The following DLC1 variants were observed in gnomAD, a reference collection of about 807,000 sequenced individuals.
DLC1 encodes the protein rho GTPase-activating protein 7.
A neutral mutation model predicts 140.3 loss-of-function variants in DLC1; 54 were observed. That is an observed-to-expected ratio of 0.38 (90% CI 0.31 to 0.48). DLC1 has a LOEUF of 0.48. Ranked by LOEUF, DLC1 falls within the 20% of genes least tolerant of loss-of-function variation. DLC1 has a pLI of 0.96. For missense variants in DLC1, 2,536 were observed against 1,907.0 expected, an observed-to-expected ratio of 1.33 and a Z score of -6.14; for synonymous variants, 986 against 728.1, an observed-to-expected ratio of 1.35 and a Z score of -5.70.
At chr8:13,522,447 A>G (rs2117287384) in intron 1 of DLC1, among the ~76,000 whole-genome samples, 1 of 152,130 alleles carries the variant, frequency 6.6e-6, no homozygotes, top group South Asian at 2.1e-4. Flanking sequence ...CAACATGGTG[A>G]GACCCTGTGT....
At chr8:13,197,678 T>G (rs1004868329) in intron 5 of DLC1, among the ~76,000 whole-genome samples, 11 of 152,052 alleles carry the variant, frequency 7.2e-5, no homozygotes, top group Non-Finnish European at 1.5e-4. Context: ...TAAAAATTAT[T>G]GCTTAACAAA....
chr8:13,422,673 CT>C (rs967467899), intron 2 of DLC1, among the ~76,000 whole-genome samples: 1 of 151,750 alleles, frequency 6.6e-6, no homozygotes, highest in African/African-American at 2.4e-5. Flanking sequence ...GGTTTATTTT[CT>C]TTTATTTTTT....
At chr8:13,445,488 C>T (rs1798734543) in intron 2 of DLC1, among the ~76,000 whole-genome samples, 1 of 152,280 alleles carries the variant, frequency 6.6e-6, no homozygotes, top group South Asian at 2.1e-4. Flanking sequence ...CAACATTCTA[C>T]CCTCAACTCA....
intron 5 of DLC1, among the ~76,000 whole-genome samples, chr8:13,153,195 G>T (rs527683637): frequency 6.6e-6 from 1 of 152,186 alleles, no homozygotes; most frequent in African/African-American, 2.4e-5. Flanking sequence ...GTTCTGACGT[G>T]TTCAGGGTTT....
intron 5 of DLC1, among the ~76,000 whole-genome samples, chr8:13,209,557 C>T (rs987436714): frequency 5.9e-5 from 9 of 152,080 alleles, no homozygotes; most frequent in Admixed American, 5.2e-4. Context: ...TGTCCCTGCC[C>T]GAATCTCATG....
At chr8:13,480,940 A>G (rs1037483027) in intron 2 of DLC1, among the ~76,000 whole-genome samples, 1 of 152,102 alleles carries the variant, frequency 6.6e-6, no homozygotes, top group African/African-American at 2.4e-5. Context: ...AGTAAAGATA[A>G]TCTGAGCTGC....
chr8:13,164,149 T>A (rs1824929222), intron 5 of DLC1, among the ~76,000 whole-genome samples: 1 of 151,954 alleles, frequency 6.6e-6, no homozygotes, highest in Non-Finnish European at 1.5e-5. Flanking sequence ...AATACAAGAA[T>A]TAGCTGGGTG....
intron 5 of DLC1, among the ~76,000 whole-genome samples, chr8:13,120,356 A>AAAAAAAAAAAAAAAATATAT: frequency 1.5e-4 from 9 of 61,120 alleles, no homozygotes; most frequent in African/African-American, 3.7e-4. Context: ...AAAAAAAAAA[A>AAAAAAAAAAAAAAAATATAT]ATATATATAT....
chr8:13,280,925 G>T (rs546267467), intron 5 of DLC1, among the ~76,000 whole-genome samples: 1 of 152,168 alleles, frequency 6.6e-6, no homozygotes, highest in Non-Finnish European at 1.5e-5. Flanking sequence ...CCCCTGAAAC[G>T]GGATGGCAGG....
intron 4 of DLC1, among the ~76,000 whole-genome samples, chr8:13,307,581 T>C (rs1832501439): frequency 6.6e-6 from 1 of 152,218 alleles, no homozygotes; most frequent in African/African-American, 2.4e-5. Flanking sequence ...CGCTCTTTTG[T>C]GAAAAGTGAA....
In DLC1 at chr8:13,403,906, G is replaced by A. The variant is rs193265082; in HGVS notation, c.1024-2287C>T. On this transcript the variant is annotated intron_variant, in intron 2 of 17. Transcript: ENST00000276297. ...ACTCCTGCACTCAGGAGATACTCTC[G>A]TCTCGGCTTCCCAAAGTGCTGGGAT... Among the ~76,000 whole-genome samples the A allele has an allele frequency of 2.1e-4, 31 of 145,736 alleles. No individual in the cohort carries two copies. In the East Asian group the frequency reaches 4.7e-3, roughly 22 times the overall value.
chr8:13,090,809 C>CTTTCT (rs1554566264), intron 14 of DLC1, among the ~76,000 whole-genome samples: 3 of 140,662 alleles, frequency 2.1e-5, no homozygotes, highest in Middle Eastern at 3.6e-3. Flanking sequence ...TTCTTTCTTT[C>CTTTCT]TTTTTTTTTT....
intron 11 of DLC1, 22 bp from the exon 12 acceptor site, chr8:13,094,979 G>C (rs2128932510): frequency 1.9e-6 from 3 of 1,614,134 alleles, no homozygotes; most frequent in East Asian, 2.2e-5. Context: ...GCAACACTAA[G>C]TGTGGGGTAC....
chr8:13,429,156 A>T (rs1838746356), intron 2 of DLC1, among the ~76,000 whole-genome samples: 1 of 152,242 alleles, frequency 6.6e-6, no homozygotes, highest in African/African-American at 2.4e-5. Context: ...TTTATCAAAC[A>T]CCTGTATCAG....
chr8:13,357,176 C>A (rs1834980855), intron 4 of DLC1, among the ~76,000 whole-genome samples: 1 of 152,074 alleles, frequency 6.6e-6, no homozygotes, highest in Non-Finnish European at 1.5e-5. Flanking sequence ...GAGGCCAAGG[C>A]CCAGGAATCG....
intron 2 of DLC1, among the ~76,000 whole-genome samples, chr8:13,480,380 G>C (rs1800671062): frequency 6.6e-6 from 1 of 152,038 alleles, no homozygotes; most frequent in Non-Finnish European, 1.5e-5. Context: ...TAGAAAACAG[G>C]AACAAAATAG....
In DLC1 at chr8:13,224,005, C is replaced by G. The variant is rs530095321; in HGVS notation, c.1348+81264G>C. 1.6e-4 allele frequency among the ~76,000 whole-genome samples: 25 copies of G among 152,200 alleles called. 1 individual carries two copies. Among genetic ancestry groups the G allele is most frequent in the South Asian group, 2.1e-4 (1 of 4,824 alleles). On this transcript the variant is annotated intron_variant, in intron 5 of 17. Transcript: ENST00000276297. The stretch of plus-strand genomic sequence containing the variant: ...CTATTTCTTTTTGCAACTATTTTAC[C>G]TTAAGTTGTCAAGATCGCATTATGT...
intron 4 of DLC1, among the ~76,000 whole-genome samples, chr8:13,306,707 T>C (rs1268601526): frequency 6.6e-6 from 1 of 151,236 alleles, no homozygotes. Flanking sequence ...AAATATTGGT[T>C]ACTGCTGAGA....
upstream of DLC1, among the ~76,000 whole-genome samples, chr8:13,517,290 G>A (rs1802618807): frequency 2.0e-5 from 3 of 151,968 alleles, no homozygotes; most frequent in Admixed American, 6.6e-5. Flanking sequence ...TGTACCCCGC[G>A]CCATATACTT....
Sources: allele counts gnomAD v4.1 joint callset (sites outside exome capture counted in the v4.1 genomes callset), GRCh38; gene constraint gnomAD v4.1.1; transcripts MANE v1.5; gene names NCBI Gene and HGNC (gene_info 2026-07-23, HGNC 2026-07-21).